The following BTD variants were observed in gnomAD, a reference collection of about 807,000 sequenced individuals.
BTD encodes biotinidase.
In BTD, 13 loss-of-function variants were observed where a neutral mutation model predicts 17.7. The ratio of observed to expected loss-of-function variants is 0.74; its 90% CI spans 0.48 to 1.17. BTD has a LOEUF of 1.17. Ranked by LOEUF, BTD falls within the 50% of genes most tolerant of loss-of-function variation. The probability of loss-of-function intolerance (pLI) is 0.00; values close to 1 mark genes in which losing one functional copy is unlikely to be tolerated. For synonymous variants in BTD, 240 were observed against 245.2 expected, an observed-to-expected ratio of 0.98 and a Z score of 0.20; for missense variants, 674 against 650.4, an observed-to-expected ratio of 1.04 and a Z score of -0.39.
In BTD at chr3:15,644,557, C is replaced by T. The variant is rs587783005; in HGVS notation, c.641C>T (p.Thr214Ile). The change falls in exon 4 of 4, where the codon ACC becomes ATC. Residue 214 changes from threonine (T) to isoleucine (I), a missense_variant. By Grantham distance (89) the Thr-to-Ile change is moderately conservative. Coordinates refer to ENST00000643237, the MANE Select transcript of BTD (RefSeq NM_001370658.1). ...PLKVDLITFD[T>I]PFAGRFGIFT... is the part of the protein sequence containing the mutation. ...AAAGTGGATCTCATCACCTTTGATA[C>T]CCCCTTTGCTGGCAGGTTTGGCATC... 9.3e-6 allele frequency: 15 copies of T among 1,614,142 alleles called. No individual in the cohort carries two copies. In the South Asian group the frequency reaches 1.3e-4, roughly 14 times the overall value.
rs1055473537 is a variant in BTD, at chr3:15,601,998, C to T, written c.-17+104C>T. The T allele has an allele frequency of 7.1e-6, 11 of 1,542,104 alleles. No individual in the cohort carries two copies. The African/African-American group carries it at 8.2e-5, about 11-fold the overall frequency. On this transcript the variant is annotated intron_variant, in intron 1 of 3. Transcript: ENST00000643237. ...GGACTTGGGGAGGGCTGCGCAAAGGCTGCCGGGAGCTGGGAAGCCCGGCGC... is the reference window on the plus strand; with the variant it reads ...GGACTTGGGGAGGGCTGCGCAAAGGTTGCCGGGAGCTGGGAAGCCCGGCGC...
chr3:15,629,685 C>T (rs1029227866), intron 1 of BTD, among the ~76,000 whole-genome samples: 17 of 152,094 alleles, frequency 1.1e-4, no homozygotes, highest in East Asian at 1.9e-4. Context: ...CCACCATGCC[C>T]GGCAAACTTT....
chr3:15,673,148 T>G (rs1031290607), intron 3 of BTD, among the ~76,000 whole-genome samples: 1 of 152,358 alleles, frequency 6.6e-6, no homozygotes, highest in Admixed American at 6.5e-5. Flanking sequence ...ATCCTTTGGA[T>G]TTTGGCTTAG....
chr3:15,623,671 T>C (rs1313728232), intron 1 of BTD, among the ~76,000 whole-genome samples: 1 of 152,178 alleles, frequency 6.6e-6, no homozygotes, highest in Admixed American at 6.5e-5. Flanking sequence ...TGGGAGGTGA[T>C]TGGATCATGT....
intron 3 of BTD, among the ~76,000 whole-genome samples, chr3:15,677,271 T>G (rs1195359470): frequency 6.6e-6 from 1 of 152,188 alleles, no homozygotes; most frequent in Non-Finnish European, 1.5e-5. Flanking sequence ...AGGATAATTA[T>G]GCTTAGACTT....
In BTD at chr3:15,651,020, A is replaced by G. The variant is rs1298911548; in HGVS notation, c.*5532A>G. ...CCTGACCTCATGATCTGCCTGCCTC[A>G]GCCTCCCAAAGTGCTGGGATTACAG... is the stretch of plus-strand genomic sequence containing the variant. On this transcript the variant is annotated 3_prime_UTR_variant, in exon 4 of 4. Coordinates refer to ENST00000643237, the MANE Select transcript of BTD (RefSeq NM_001370658.1). Among the ~76,000 whole-genome samples the G allele has an allele frequency of 6.6e-6, 1 of 152,196 alleles. No homozygotes were observed. The highest frequency in any genetic ancestry group is 2.1e-4 in the South Asian group (1 of 4,832).
chr3:15,704,421 T>A (rs527816755), intron 3 of BTD, among the ~76,000 whole-genome samples: 1 of 152,316 alleles, frequency 6.6e-6, no homozygotes, highest in South Asian at 2.1e-4. Context: ...AATGTCAGAT[T>A]GTTAAAAATT....
intron 3 of BTD, chr3:15,685,250 C>T: frequency 6.2e-7 from 1 of 1,613,954 alleles, no homozygotes; most frequent in Non-Finnish European, 8.5e-7. Context: ...CAGTGAAGTG[C>T]CGTATATCCA....
At chr3:15,685,640 A>G (rs2068022111) in intron 3 of BTD, among the ~76,000 whole-genome samples, 1 of 152,204 alleles carries the variant, frequency 6.6e-6, no homozygotes, top group Admixed American at 6.5e-5. Context: ...ACCCTTCTAA[A>G]ATGCAAATAG....
chr3:15,669,855 T>TA (rs2125566730), intron 3 of BTD: 1 of 157,414 alleles, frequency 6.4e-6, no homozygotes, highest in Non-Finnish European at 1.4e-5. Context: ...GCTGTGCACA[T>TA]AATGCCTACT....
chr3:15,602,353 A>T, intron 1 of BTD: 7 of 1,006,584 alleles, frequency 7.0e-6, no homozygotes, highest in South Asian at 8.1e-5. Flanking sequence ...CTACTAATCC[A>T]TATTACTCTC....
At chr3:15,681,909 C>T (rs1427593929) in intron 3 of BTD, among the ~76,000 whole-genome samples, 2 of 152,222 alleles carry the variant, frequency 1.3e-5, no homozygotes, top group East Asian at 3.9e-4. Flanking sequence ...AATCATCTGG[C>T]CCAAAACGTC....
intron 3 of BTD, among the ~76,000 whole-genome samples, chr3:15,689,508 G>C (rs568901680): frequency 6.6e-6 from 1 of 152,328 alleles, no homozygotes; most frequent in East Asian, 1.9e-4. Flanking sequence ...GAGGCCACAG[G>C]AGGAAGGGAG....
chr3:15,668,016 C>T (rs2066072098), intron 3 of BTD: 2 of 152,234 alleles, frequency 1.3e-5, no homozygotes, highest in Admixed American at 6.5e-5. Flanking sequence ...ATTCATCCTT[C>T]CAACATTCTC....
rs943639365 is a variant in BTD at position 15,649,582 on chromosome 3, G to A, written c.*4094G>A. Reference sequence around the variant, plus strand: ...CGCCTGACCTCTGAGCTCACATGATGGCCCTTACTGTGAACCTGGGTTTCT... The same window carrying A: ...CGCCTGACCTCTGAGCTCACATGATAGCCCTTACTGTGAACCTGGGTTTCT... On this transcript the variant is annotated 3_prime_UTR_variant, in exon 4 of 4. Coordinates refer to ENST00000643237, the MANE Select transcript of BTD (RefSeq NM_001370658.1). Among the ~76,000 whole-genome samples the A allele has an allele frequency of 3.9e-5, 6 of 152,170 alleles. No individual in the cohort carries two copies. The highest frequency in any genetic ancestry group is 1.4e-4 in the African/African-American group (6 of 41,428).
At chr3:15,669,898 GT>G (rs2066186698) in intron 3 of BTD, 1 of 167,860 alleles carries the variant, frequency 6.0e-6, no homozygotes, top group African/African-American at 2.4e-5. Flanking sequence ...AAATTTAGTT[GT>G]AATTTTATTG....
downstream of BTD, among the ~76,000 whole-genome samples, chr3:15,717,525 G>GA (rs546403945): frequency 2.6e-4 from 35 of 132,750 alleles, no homozygotes; most frequent in Middle Eastern, 3.8e-3. Flanking sequence ...GGAGTATTAA[G>GA]AAAAAAAAAA....
chr3:15,707,012 A>G (rs926429172), intron 3 of BTD, among the ~76,000 whole-genome samples: 23 of 152,246 alleles, frequency 1.5e-4, no homozygotes, highest in Non-Finnish European at 2.6e-4. Context: ...TTGAAATTAA[A>G]GAGTTTATAC....
chr3:15,642,379 G>T, intron 3 of BTD: 1 of 709,132 alleles, frequency 1.4e-6, no homozygotes, highest in Non-Finnish European at 2.1e-6. Context: ...CCCTTGCTTA[G>T]AGAAACTGCC....
Sources: gnomAD v4.1 joint callset for allele counts (sites outside exome capture counted in the v4.1 genomes callset) on GRCh38, gnomAD v4.1.1 for gene constraint, MANE v1.5 for transcripts, NCBI Gene and HGNC (gene_info 2026-07-23, HGNC 2026-07-21) for gene names.